SNX29: variants seen among roughly 807,000 people sequenced by gnomAD.
SNX29 encodes sorting nexin 29.
SNX29 carries 78 observed loss-of-function variants against 102.1 expected under a neutral mutation model. The ratio of observed to expected loss-of-function variants is 0.76; its 90% CI spans 0.64 to 0.92. The LOEUF (loss-of-function observed/expected upper bound fraction) is 0.92. Among genes scored for constraint, SNX29 ranks in the 40% least tolerant of loss-of-function variants. SNX29 has a pLI of 0.00. For missense variants in SNX29, 1,280 were observed against 1,061.7 expected (o/e 1.21, Z -2.86); for synonymous variants, 580 against 414.5 (o/e 1.40, Z -4.85).
chr16:12,443,811 C>A (rs561733582), intron 18 of SNX29, among the ~76,000 whole-genome samples: 2 of 152,344 alleles, frequency 1.3e-5, no homozygotes, highest in East Asian at 3.9e-4. Context: ...TGACTTTGGT[C>A]TAGTAAGTTA....
chr16:12,235,198 C>A (rs924901694), intron 14 of SNX29, among the ~76,000 whole-genome samples: 1 of 152,114 alleles, frequency 6.6e-6, no homozygotes, highest in African/African-American at 2.4e-5. Context: ...CTCTTTCTTT[C>A]CTTTCTCTCT....
At chr16:12,547,431 G>T (rs896747628) in intron 20 of SNX29, among the ~76,000 whole-genome samples, 1 of 152,170 alleles carries the variant, frequency 6.6e-6, no homozygotes, top group East Asian at 1.9e-4. Flanking sequence ...GGGCACCCCG[G>T]GGAGAGGGGA....
chr16:12,135,406 AGCCCACCCAG>A, intron 13 of SNX29: 1 of 746,086 alleles, frequency 1.3e-6, no homozygotes, highest in Non-Finnish European at 2.0e-6. Context: ...AGAGGATGGC[AGCCCACCCAG>A]GCCTGGACAG....
intron 18 of SNX29, among the ~76,000 whole-genome samples, chr16:12,444,265 G>A (rs892212278): frequency 4.8e-5 from 1 of 20,982 alleles, no homozygotes; most frequent in East Asian, 8.2e-4. Flanking sequence ...CACGTAGTAA[G>A]CACTCAGTAT....
intron 14 of SNX29, among the ~76,000 whole-genome samples, chr16:12,211,758 C>A (rs997342673): frequency 6.6e-6 from 1 of 152,096 alleles, no homozygotes; most frequent in Non-Finnish European, 1.5e-5. Flanking sequence ...ATGAAACCTC[C>A]GTTTTTTGTT....
chr16:12,107,164 G>A (rs1262114774), intron 11 of SNX29, among the ~76,000 whole-genome samples: 4 of 152,046 alleles, frequency 2.6e-5, no homozygotes, highest in African/African-American at 9.7e-5. Flanking sequence ...TTAGTTAAAC[G>A]GCCACAGCTG....
At chr16:12,149,237 A>G (rs1394869025) in intron 13 of SNX29, among the ~76,000 whole-genome samples, 1 of 152,230 alleles carries the variant, frequency 6.6e-6, no homozygotes, top group Non-Finnish European at 1.5e-5. Flanking sequence ...CAGGAAGGGT[A>G]AAGCAGGAGA....
At chr16:12,181,305 G>A (rs1479714517) in intron 13 of SNX29, among the ~76,000 whole-genome samples, 1 of 152,204 alleles carries the variant, frequency 6.6e-6, no homozygotes, top group Non-Finnish European at 1.5e-5. Flanking sequence ...AGCATGGTTG[G>A]GTTTTATACG....
Position 12,262,861 on chromosome 16 carries a change from C to T in SNX29, c.1679-15072C>T, listed in dbSNP as rs114491250. 2.6e-3 allele frequency among the ~76,000 whole-genome samples: 400 copies of T among 152,348 alleles called. 2 individuals are homozygous for T. The highest frequency in any genetic ancestry group is 8.8e-3 in the African/African-American group (365 of 41,584). Reference sequence around the variant, plus strand: ...GTGCAACCATCACCACTGTCCAACTCCAGAACATTTTGATGAGATCCTGTT... The same window carrying T: ...GTGCAACCATCACCACTGTCCAACTTCAGAACATTTTGATGAGATCCTGTT... On this transcript the variant is annotated intron_variant, in intron 14 of 20. Transcript: ENST00000566228.
intron 19 of SNX29, among the ~76,000 whole-genome samples, chr16:12,491,797 G>C (rs1343580335): frequency 1.3e-5 from 2 of 151,864 alleles, no homozygotes; most frequent in Non-Finnish European, 2.9e-5. Context: ...TTCTGTCCTT[G>C]TGATAGTTTG....
chr16:12,162,613 A>C (rs2055837198), intron 13 of SNX29, among the ~76,000 whole-genome samples: 1 of 152,250 alleles, frequency 6.6e-6, no homozygotes, highest in Non-Finnish European at 1.5e-5. Flanking sequence ...AAGCTATTTA[A>C]GAAGCCACAA....
At chr16:12,130,411 C>A (rs2054410422) in intron 13 of SNX29, among the ~76,000 whole-genome samples, 1 of 125,784 alleles carries the variant, frequency 8.0e-6, no homozygotes. Flanking sequence ...GGAGGTGGAG[C>A]TTGCAGTGAG....
intron 14 of SNX29, among the ~76,000 whole-genome samples, chr16:12,215,223 G>A (rs960857779): frequency 2.0e-5 from 3 of 152,074 alleles, no homozygotes; most frequent in South Asian, 2.1e-4. Context: ...GGCTGGGCAC[G>A]GCGGCTTCCA....
chr16:12,371,749 C>T (rs756905829), intron 16 of SNX29, among the ~76,000 whole-genome samples: 3 of 152,200 alleles, frequency 2.0e-5, no homozygotes, highest in Non-Finnish European at 4.4e-5. Context: ...CCAACTCTTG[C>T]CCCCAGTGCT....
At chr16:12,191,507 C>T (rs2076641942) in intron 13 of SNX29, among the ~76,000 whole-genome samples, 1 of 152,154 alleles carries the variant, frequency 6.6e-6, no homozygotes, top group Admixed American at 6.5e-5. Context: ...CAGTGCTGGA[C>T]AGGTGGTAGC....
At chr16:12,344,605 A>G (rs1437667597) in intron 15 of SNX29, among the ~76,000 whole-genome samples, 1 of 152,252 alleles carries the variant, frequency 6.6e-6, no homozygotes, top group Non-Finnish European at 1.5e-5. Context: ...GGAGCCATGG[A>G]CAGGCCTTGT....
At chr16:12,082,412 T>C (rs1274802607) in intron 11 of SNX29, among the ~76,000 whole-genome samples, 3 of 152,138 alleles carry the variant, frequency 2.0e-5, no homozygotes, top group Non-Finnish European at 4.4e-5. Flanking sequence ...ACATAGAGCA[T>C]GGTGTCTGGG....
At chr16:12,220,305 TGGGA>T (rs1214795376) in intron 14 of SNX29, among the ~76,000 whole-genome samples, 5 of 15,728 alleles carry the variant, frequency 3.2e-4, no homozygotes, top group Non-Finnish European at 5.9e-4. Flanking sequence ...GTTTTCTTTA[TGGGA>T]GGGAGGGAGG....
At chr16:12,058,140 G>GA (rs1175431921) in intron 8 of SNX29, among the ~76,000 whole-genome samples, 1 of 151,704 alleles carries the variant, frequency 6.6e-6, no homozygotes. Flanking sequence ...ATATTGAATG[G>GA]AAAAAACAAG....
Sources: gnomAD v4.1 joint callset for allele counts (sites outside exome capture counted in the v4.1 genomes callset) on GRCh38, gnomAD v4.1.1 for gene constraint, MANE v1.5 for transcripts, NCBI Gene and HGNC (gene_info 2026-07-23, HGNC 2026-07-21) for gene names.